Variants in DACH2 observed in about 807,000 individuals in gnomAD.
DACH2 encodes dachshund family transcription factor 2.
Under a neutral mutation model 35.8 loss-of-function variants are expected in DACH2, and 17 were observed. The observed-to-expected ratio is 0.48, with a 90% CI of 0.33 to 0.71. The LOEUF (loss-of-function observed/expected upper bound fraction) is 0.71. DACH2 is among the 30% of genes least tolerant of loss of function. DACH2 has a pLI of 0.02. For missense variants in DACH2, 469 were observed against 472.7 expected (o/e 0.99, Z 0.07); for synonymous variants, 195 against 177.3 (o/e 1.10, Z -0.79).
At chrX:86,605,994 CT>C (rs1157097239) in intron 3 of DACH2, among the ~76,000 whole-genome samples, 1 of 111,193 alleles carries the variant, frequency 9.0e-6, no homozygotes, top group African/African-American at 3.3e-5. Context: ...AGTATATTAA[CT>C]ATGGTCCCCA....
intron 1 of DACH2, among the ~76,000 whole-genome samples, chrX:86,349,903 C>T (rs1329327654): frequency 4.5e-5 from 5 of 111,879 alleles, no homozygotes; most frequent in African/African-American, 1.6e-4. Context: ...TGGTGGCTCA[C>T]GCCTGTAATC....
chrX:86,231,232 C>G (rs2032941726), intron 1 of DACH2, among the ~76,000 whole-genome samples: 2 of 112,354 alleles, frequency 1.8e-5, no homozygotes, highest in South Asian at 7.4e-4. Context: ...GTTTAATGCT[C>G]TATTTTTGTG....
chrX:86,449,214 G>A (rs2037320682), intron 2 of DACH2, among the ~76,000 whole-genome samples: 1 of 65,459 alleles, frequency 1.5e-5, no homozygotes, highest in African/African-American at 5.7e-5. Flanking sequence ...CTTGCTAGCG[G>A]TCTATCAATT....
At chrX:86,299,111 T>C (rs2148010883) in intron 1 of DACH2, among the ~76,000 whole-genome samples, 2 of 112,522 alleles carry the variant, frequency 1.8e-5, no homozygotes, top group South Asian at 7.2e-4. Flanking sequence ...ACATCTTTCT[T>C]TTAAAACAAT....
intron 1 of DACH2, among the ~76,000 whole-genome samples, chrX:86,375,734 A>G (rs1177437055): frequency 9.2e-6 from 1 of 108,612 alleles, no homozygotes; most frequent in Non-Finnish European, 1.9e-5. Context: ...AACCCCAGAT[A>G]TATTTTCATT....
At chrX:86,668,486 T>C (rs955116016) in intron 4 of DACH2, among the ~76,000 whole-genome samples, 2 of 112,174 alleles carry the variant, frequency 1.8e-5, no homozygotes, top group African/African-American at 6.5e-5. Context: ...GAACTAATCT[T>C]CATTTTTCCC....
chrX:86,683,520 A>G (rs2040906786), intron 4 of DACH2, among the ~76,000 whole-genome samples: 1 of 111,733 alleles, frequency 8.9e-6, no homozygotes, highest in African/African-American at 3.2e-5. Context: ...AAGAGCAACA[A>G]GTTTTTTGCA....
At chrX:86,638,997 T>C (rs1476103555) in intron 3 of DACH2, among the ~76,000 whole-genome samples, 1 of 112,099 alleles carries the variant, frequency 8.9e-6, no homozygotes, top group Non-Finnish European at 1.9e-5. Flanking sequence ...AGCAAAGATA[T>C]GGAATCCACC....
At chrX:86,590,745 G>A in intron 3 of DACH2, among the ~76,000 whole-genome samples, 1 of 111,551 alleles carries the variant, frequency 9.0e-6, no homozygotes, top group South Asian at 3.7e-4. Context: ...TTGTGTTTTG[G>A]ATTTTAGCCA....
At chrX:86,650,164 T>A (rs2040461709) in intron 3 of DACH2, among the ~76,000 whole-genome samples, 1 of 110,843 alleles carries the variant, frequency 9.0e-6, no homozygotes, top group Non-Finnish European at 1.9e-5. Flanking sequence ...TATTCACTTT[T>A]TAATCTATGG....
intron 1 of DACH2, among the ~76,000 whole-genome samples, chrX:86,153,030 A>C (rs1295464545): frequency 9.0e-6 from 1 of 111,655 alleles, no homozygotes; most frequent in African/African-American, 3.2e-5. Context: ...ACAATCAATA[A>C]ATTTTAGTGT....
chrX:86,747,438 C>A (rs1444436509), intron 7 of DACH2, among the ~76,000 whole-genome samples: 1 of 110,689 alleles, frequency 9.0e-6, no homozygotes, highest in Non-Finnish European at 1.9e-5. Context: ...CAGCCATACC[C>A]CAGAGATATC....
chrX:86,821,678 T>C (rs1185202474), intron 11 of DACH2, among the ~76,000 whole-genome samples: 2 of 111,175 alleles, frequency 1.8e-5, no homozygotes, highest in Non-Finnish European at 3.8e-5. Flanking sequence ...ATTAATTACT[T>C]AATCGTTCAG....
intron 1 of DACH2, among the ~76,000 whole-genome samples, chrX:86,329,053 T>G (rs1434417010): frequency 9.0e-6 from 1 of 111,449 alleles, no homozygotes; most frequent in African/African-American, 3.3e-5. Context: ...CAGATTTTAC[T>G]GTGTATGTGC....
In DACH2 at chrX:86,578,315, G is replaced by T. The variant is rs72633160; in HGVS notation, c.640+63924G>T. Among the ~76,000 whole-genome samples the T allele has an allele frequency of 7.3e-4, 66 of 90,395 alleles. No individual in the cohort carries two copies. The East Asian group carries it at 0.024, about 33-fold the overall frequency. 78.5% of individuals were successfully genotyped at this position (90,395 alleles called of 115,157 possible). A position where few individuals can be genotyped will look rare whatever the true frequency, so the allele number is the denominator to read the frequency against. ...TTCATTGTTGTGTGGTGTGAGAGCA[G>T]AAGAAAAATAGGTTTTTTTTTTTTA... On this transcript the variant is annotated intron_variant, in intron 3 of 11. Transcript: ENST00000373125.
intron 1 of DACH2, among the ~76,000 whole-genome samples, chrX:86,191,923 A>G (rs2031845445): frequency 8.9e-6 from 1 of 111,853 alleles, no homozygotes; most frequent in African/African-American, 3.3e-5. Context: ...ATTGGGTGAC[A>G]GAGCGAGACT....
chrX:86,675,548 G>A (rs1005875671), intron 4 of DACH2, among the ~76,000 whole-genome samples: 4 of 110,460 alleles, frequency 3.6e-5, no homozygotes, highest in Admixed American at 9.7e-5. Context: ...GCTGGACATC[G>A]TGGCACACGC....
At chrX:86,669,117 C>T (rs891054128) in intron 4 of DACH2, among the ~76,000 whole-genome samples, 1 of 111,155 alleles carries the variant, frequency 9.0e-6, no homozygotes, top group Non-Finnish European at 1.9e-5. Context: ...CTTACTAATA[C>T]CTGGAGGTCT....
intron 2 of DACH2, among the ~76,000 whole-genome samples, chrX:86,499,584 T>C (rs1268059875): frequency 8.9e-6 from 1 of 111,855 alleles, no homozygotes; most frequent in Non-Finnish European, 1.9e-5. Flanking sequence ...GTTGTAACAC[T>C]CCCATGCATC....
Sources: allele counts gnomAD v4.1 joint callset (sites outside exome capture counted in the v4.1 genomes callset), GRCh38; gene constraint gnomAD v4.1.1; transcripts MANE v1.5; gene names NCBI Gene and HGNC (gene_info 2026-07-23, HGNC 2026-07-21).